FHIT: variants seen among roughly 807,000 people sequenced by gnomAD.
FHIT encodes the protein fragile histidine triad diadenosine triphosphatase, also known as bis(5'-adenosyl)-triphosphatase.
A neutral mutation model predicts 17.9 loss-of-function variants in FHIT; 19 were observed. That is an observed-to-expected ratio of 1.06 (90% CI 0.74 to 1.56). FHIT has a LOEUF of 1.56. FHIT is among the 40% of genes most tolerant of loss of function. The pLI, the probability that FHIT is intolerant of heterozygous loss-of-function variation, is 0.00. For missense variants in FHIT, 248 were observed against 189.2 expected (o/e 1.31, Z -1.82); for synonymous variants, 81 against 69.7 (o/e 1.16, Z -0.81).
intron 5 of FHIT, among the ~76,000 whole-genome samples, chr3:60,314,728 A>G (rs1347707444): frequency 6.6e-6 from 1 of 152,086 alleles, no homozygotes. Flanking sequence ...TTCCATCCAG[A>G]AGTGAGGGGT....
intron 5 of FHIT, among the ~76,000 whole-genome samples, chr3:60,217,014 T>C (rs1703727771): frequency 6.6e-6 from 1 of 152,168 alleles, no homozygotes; most frequent in Non-Finnish European, 1.5e-5. Flanking sequence ...GGAGGAGAAG[T>C]GTGATAGTTT....
intron 5 of FHIT, among the ~76,000 whole-genome samples, chr3:60,049,629 T>C (rs187643990): frequency 7.0e-4 from 106 of 152,298 alleles, no homozygotes; most frequent in Middle Eastern, 3.4e-3. Context: ...TATACTGAAA[T>C]ACTACTTTAC....
intron 4 of FHIT, among the ~76,000 whole-genome samples, chr3:60,569,751 A>T (rs376211229): frequency 0.16 from 11,113 of 69,290 alleles, 837 homozygotes; most frequent in Middle Eastern, 0.21. Context: ...ATATATATAT[A>T]TATATTTTTT....
intron 2 of FHIT, among the ~76,000 whole-genome samples, chr3:61,161,141 A>AG (rs2107094026): frequency 1.3e-5 from 2 of 151,464 alleles, no homozygotes; most frequent in East Asian, 3.9e-4. Context: ...CACAGTTAAA[A>AG]AAAAAAAAAA....
At chr3:61,063,711 G>A (rs980300018) in intron 2 of FHIT, among the ~76,000 whole-genome samples, 18 of 152,158 alleles carry the variant, frequency 1.2e-4, no homozygotes, top group African/African-American at 3.9e-4. Context: ...GGTGAAGAAC[G>A]TGGTAAACTG....
At chr3:60,615,067 A>G (rs1364826724) in intron 4 of FHIT, among the ~76,000 whole-genome samples, 8 of 151,954 alleles carry the variant, frequency 5.3e-5, no homozygotes, top group Admixed American at 1.3e-4. Context: ...TGACCTCGTG[A>G]TCTGCCTGCC....
At chr3:59,799,892 T>C (rs550788554) in intron 8 of FHIT, among the ~76,000 whole-genome samples, 1 of 152,194 alleles carries the variant, frequency 6.6e-6, no homozygotes, top group South Asian at 2.1e-4. Flanking sequence ...CACAATCACA[T>C]GGAAATTTGG....
At chr3:60,027,308 C>G (rs908189417) in intron 5 of FHIT, among the ~76,000 whole-genome samples, 3 of 152,184 alleles carry the variant, frequency 2.0e-5, no homozygotes, top group South Asian at 2.1e-4. Context: ...TCTGGCAATT[C>G]TGCAACAGTT....
chr3:59,960,926 C>T (rs1007784374), intron 7 of FHIT, among the ~76,000 whole-genome samples: 2 of 152,140 alleles, frequency 1.3e-5, no homozygotes, highest in East Asian at 1.9e-4. Flanking sequence ...ATCCTGACAG[C>T]GAACCCAGCA....
chr3:60,071,201 C>A (rs1418431900), intron 5 of FHIT, among the ~76,000 whole-genome samples: 1 of 152,014 alleles, frequency 6.6e-6, no homozygotes, highest in East Asian at 1.9e-4. Flanking sequence ...CTGAGATGTA[C>A]CAGAAGTGTA....
chr3:61,032,970 A>G (rs1445495930), intron 3 of FHIT, among the ~76,000 whole-genome samples: 1 of 152,234 alleles, frequency 6.6e-6, no homozygotes, highest in Non-Finnish European at 1.5e-5. Flanking sequence ...AGGAGCTCTG[A>G]TATCTGAGGA....
chr3:59,960,986 C>A (rs749423499), intron 7 of FHIT, among the ~76,000 whole-genome samples: 3 of 152,172 alleles, frequency 2.0e-5, no homozygotes, highest in Non-Finnish European at 2.9e-5. Context: ...ATCTTTGAGA[C>A]TCTAAGACGA....
chr3:60,686,514 G>T (rs2040865526), intron 4 of FHIT, among the ~76,000 whole-genome samples: 2 of 151,330 alleles, frequency 1.3e-5, no homozygotes. Flanking sequence ...TATCCCATAG[G>T]AACCTGAGGC....
intron 5 of FHIT, among the ~76,000 whole-genome samples, chr3:60,483,780 C>A (rs1390599425): frequency 6.6e-6 from 1 of 152,026 alleles, no homozygotes; most frequent in East Asian, 1.9e-4. Context: ...AACAAGGACA[C>A]CCTCTCTCAC....
chr3:60,081,653 G>T (rs1431678487), intron 5 of FHIT, among the ~76,000 whole-genome samples: 1 of 152,036 alleles, frequency 6.6e-6, no homozygotes, highest in South Asian at 2.1e-4. Context: ...ATAAATGTAG[G>T]CTCTTATTTA....
intron 5 of FHIT, among the ~76,000 whole-genome samples, chr3:60,534,076 C>G (rs941053650): frequency 1.3e-5 from 2 of 152,186 alleles, no homozygotes; most frequent in African/African-American, 4.8e-5. Context: ...ATCTTCCATT[C>G]TCAAGTCTCA....
At chr3:61,120,554 G>GT (rs2106920086) in intron 2 of FHIT, among the ~76,000 whole-genome samples, 1 of 152,250 alleles carries the variant, frequency 6.6e-6, no homozygotes, top group Non-Finnish European at 1.5e-5. Flanking sequence ...TACCTAAAGT[G>GT]TCAGAAGACT....
intron 4 of FHIT, among the ~76,000 whole-genome samples, chr3:60,544,640 C>A: frequency 7.9e-6 from 1 of 127,328 alleles, no homozygotes; most frequent in South Asian, 2.4e-4. Context: ...CTCTGTTTTC[C>A]AGGCTGGACA....
rs71089573 is a variant in FHIT at position 60,058,130 on chromosome 3, G to GT, written c.104-43979dup. On this transcript the variant is annotated intron_variant, in intron 5 of 9. Transcript: ENST00000492590. Reference sequence around the variant, plus strand: ...TATTGTATAATGAGTACAGAGTTGTGTTTTTTTTTTTTTTTTTTTTTTTTT... The same window carrying GT: ...TATTGTATAATGAGTACAGAGTTGTGTTTTTTTTTTTTTTTTTTTTTTTTTT... Among the ~76,000 whole-genome samples, 501 of 66,352 alleles carry GT rather than the reference G, an allele frequency of 7.6e-3. 78 individuals are homozygous for GT. The highest frequency in any genetic ancestry group is 0.017 in the South Asian group (24 of 1,448). 43.5% of individuals were successfully genotyped at this position (66,352 alleles called of 152,430 possible). A position where few individuals can be genotyped will look rare whatever the true frequency, so the allele number is the denominator to read the frequency against.
Sources: gnomAD v4.1 joint callset for allele counts (sites outside exome capture counted in the v4.1 genomes callset) on GRCh38, gnomAD v4.1.1 for gene constraint, MANE v1.5 for transcripts, NCBI Gene and HGNC (gene_info 2026-07-23, HGNC 2026-07-21) for gene names.